Variants in MIEF1 observed in about 807,000 individuals in gnomAD.
The protein encoded by MIEF1 is mitochondrial elongation factor 1.
A neutral mutation model predicts 35.1 loss-of-function variants in MIEF1; 14 were observed. The ratio of observed to expected loss-of-function variants is 0.40; its 90% CI spans 0.26 to 0.62. The LOEUF (loss-of-function observed/expected upper bound fraction) is 0.62, where lower values mean the gene tolerates loss of function less well. Ranked by LOEUF, MIEF1 falls within the 20% of genes least tolerant of loss-of-function variation. MIEF1 has a pLI of 0.43. For missense variants in MIEF1, 542 were observed against 615.4 expected (o/e 0.88, Z 1.26); for synonymous variants, 245 against 254.3 (o/e 0.96, Z 0.35).
intron 2 of MIEF1, among the ~76,000 whole-genome samples, chr22:39,509,155 T>C (rs1008124177): frequency 6.6e-6 from 1 of 151,996 alleles, no homozygotes; most frequent in Non-Finnish European, 1.5e-5. Context: ...GGGGTTTCAC[T>C]ATGTTGGCCA....
At chr22:39,506,689 G>A (rs374505555) in intron 2 of MIEF1, among the ~76,000 whole-genome samples, 1 of 152,250 alleles carries the variant, frequency 6.6e-6, no homozygotes, top group South Asian at 2.1e-4. Context: ...CTAGGAAGCC[G>A]CAAGGCCTCC....
chr22:39,511,387 G>C lies in MIEF1; in HGVS notation c.93G>C (p.Leu31=). ...TGCTCTCCAATGCCCGGCTGGTGCT[G>C]GGGGTGGGTGGAGCGGCCATGCTGG... ...DFVLSNARLV[L]GVGGAAMLGI... The change falls in exon 3 of 6, where the codon CTG becomes CTC. Residue 31 remains leucine (L), a synonymous_variant. Transcript: ENST00000325301. 6.2e-7 allele frequency: 1 copy of C among 1,609,426 alleles called. No homozygotes were observed. The highest frequency in any genetic ancestry group is 8.5e-7 in the Non-Finnish European group (1 of 1,177,298).
rs912484366 is a variant in MIEF1, at chr22:39,515,468, C to T, written c.*1145C>T. 17 of 650,332 alleles carry T rather than the reference C, an allele frequency of 2.6e-5. No homozygotes were observed. The highest frequency in any genetic ancestry group is 1.5e-4 in the Admixed American group (6 of 41,168). 40.3% of individuals were successfully genotyped at this position (650,332 alleles called of 1,614,324 possible). ...TGAGAGGGGTGTTTGCTGAGCGCTC[C>T]GGGCACGGCCAGAGGGCAAGTGAGC... On this transcript the variant is annotated 3_prime_UTR_variant, in exon 6 of 6. Transcript: ENST00000325301.
chr22:39,507,364 G>A (rs997346572), intron 2 of MIEF1, among the ~76,000 whole-genome samples: 3 of 151,800 alleles, frequency 2.0e-5, no homozygotes, highest in Non-Finnish European at 2.9e-5. Flanking sequence ...TCCTGCCTCG[G>A]CCTCCCGAGT....
In MIEF1 at chr22:39,504,235, C is replaced by T. The variant is rs1929899236; in HGVS notation, c.-307C>T. Reference sequence around the variant, plus strand: ...CCCAGCCCCTGCCAGTCCCCCATGGCCCCGTGGAGCCGAGAGGCGGTGCTG... The same window carrying T: ...CCCAGCCCCTGCCAGTCCCCCATGGTCCCGTGGAGCCGAGAGGCGGTGCTG... On this transcript the variant is annotated 5_prime_UTR_variant, in exon 2 of 6. Transcript: ENST00000325301. The T allele has an allele frequency of 5.0e-6, 2 of 399,370 alleles. No homozygotes were observed. Among genetic ancestry groups the T allele is most frequent in the Non-Finnish European group, 4.4e-6 (1 of 226,304 alleles). The allele number at this position is 399,370 out of a possible 1,614,324, so 24.7% of individuals were successfully genotyped here.
At chr22:39,511,489 AGAT>A (rs1424982347) in intron 3 of MIEF1, 51 bp downstream of exon 3, 1 of 1,486,446 alleles carries the variant, frequency 6.7e-7, no homozygotes, top group Non-Finnish European at 9.0e-7. Flanking sequence ...TATGGTCATA[AGAT>A]GTAATGTTTT....
At chr22:39,513,468 C>A in intron 5 of MIEF1, 49 bp from the exon 6 acceptor site, 2 of 1,564,654 alleles carry the variant, frequency 1.3e-6, no homozygotes, top group South Asian at 2.3e-5. Flanking sequence ...GGAAGCATGT[C>A]TTTTGAACAG....
chr22:39,508,936 T>C (rs1413677721), intron 2 of MIEF1, among the ~76,000 whole-genome samples: 2 of 152,102 alleles, frequency 1.3e-5, no homozygotes, highest in East Asian at 1.9e-4. Context: ...GCTAGAAATA[T>C]CCACTTGTAA....
In MIEF1 at chr22:39,514,145, C is replaced by T; in HGVS notation, c.1214C>T (p.Ala405Val). 1 of 1,614,204 alleles carries T rather than the reference C, an allele frequency of 6.2e-7. No homozygotes were observed. The highest frequency in any genetic ancestry group is 8.5e-7 in the Non-Finnish European group (1 of 1,180,038). Residue 405 changes from alanine to valine, a missense_variant, in exon 6 of 6, where the codon GCC (alanine) becomes GTC (valine). Physicochemically the swap from Ala to Val is moderately conservative, Grantham distance 64 (BLOSUM62 0). Transcript: ENST00000325301. ...GCTGACTGGTCTCCGGATATGCTGG[C>T]CGACCGTTTCCTGCAGGCCTTGAGG... ...EEADWSPDMLADRFLQALRGL... is the reference protein window; with the variant it reads ...EEADWSPDMLVDRFLQALRGL...
At chr22:39,504,153 T>C (rs575386606) in intron 1 of MIEF1, 50 bp from the exon 2 acceptor site, 1 of 398,438 alleles carries the variant, frequency 2.5e-6, no homozygotes, top group South Asian at 1.4e-4. Context: ...ACAGGTCCTT[T>C]TGTTATTAAT....
At chr22:39,508,002 T>C (rs898035173) in intron 2 of MIEF1, among the ~76,000 whole-genome samples, 4 of 152,246 alleles carry the variant, frequency 2.6e-5, no homozygotes, top group Admixed American at 2.0e-4. Context: ...TTCTGGAAGC[T>C]GACCTTTGTC....
Position 39,517,646 on chromosome 22 carries a change from G to C in MIEF1, c.*3323G>C. On this transcript the variant is annotated 3_prime_UTR_variant, in exon 6 of 6. Transcript: ENST00000325301. ...ACTGACTTGGCTGAGAACGTGTTCT[G>C]TCAGAGGATTTGTTAGAACTCTGCC... 1 of 470,812 alleles carries C rather than the reference G, an allele frequency of 2.1e-6. No homozygotes were observed. Among genetic ancestry groups the C allele is most frequent in the South Asian group, 1.6e-5 (1 of 64,504 alleles). 29.2% of individuals were successfully genotyped at this position (470,812 alleles called of 1,614,324 possible).
chr22:39,509,081 A>C (rs898369058), intron 2 of MIEF1, among the ~76,000 whole-genome samples: 23 of 151,364 alleles, frequency 1.5e-4, no homozygotes, highest in African/African-American at 4.9e-4. Context: ...TGGCCTCCCG[A>C]GTAGCTGGGA....
chr22:39,511,977 G>A lies in MIEF1; in HGVS notation c.273G>A (p.Leu91=), dbSNP rs2145750833. ...RLLNRDMKTG[L]SRSLQTLPTD... ...TGAACAGGGACATGAAGACGGGCCT[G>A]AGCCGGTCCTTGCAGACCCTTCCCA... Residue 91 remains leucine, a synonymous_variant, in exon 4 of 6, where the codon CTG becomes CTA. Coordinates refer to ENST00000325301, the MANE Select transcript of MIEF1 (RefSeq NM_019008.6). 2 of 1,614,134 alleles carry A rather than the reference G, an allele frequency of 1.2e-6. No individual in the cohort carries two copies. The highest frequency in any genetic ancestry group is 4.5e-5 in the East Asian group (2 of 44,892).
At chr22:39,507,378 T>C (rs1310451562) in intron 2 of MIEF1, among the ~76,000 whole-genome samples, 1 of 151,846 alleles carries the variant, frequency 6.6e-6, no homozygotes, top group Admixed American at 6.6e-5. Flanking sequence ...CCCGAGTAGC[T>C]GGGACTACAG....
intron 1 of MIEF1, 192 bp from the exon 2 acceptor site, chr22:39,504,011 C>T: frequency 2.6e-6 from 1 of 381,228 alleles, no homozygotes; most frequent in Non-Finnish European, 4.6e-6. Flanking sequence ...CCTGGTGAAC[C>T]ACAACCTGTA....
intron 2 of MIEF1, among the ~76,000 whole-genome samples, chr22:39,504,897 T>C (rs1396386325): frequency 6.6e-6 from 1 of 152,140 alleles, no homozygotes; most frequent in Non-Finnish European, 1.5e-5. Context: ...AATTTTCTTT[T>C]TTAAGAGACA....
rs1930493745 is a variant in MIEF1 at position 39,513,719 on chromosome 22, C to T, written c.788C>T (p.Ala263Val). ...GGCTACCTCTCTCCAAAGACAGTCGCAGATACATTTGAGAAGGTAGTGGCT... is the reference window on the plus strand; with the variant it reads ...GGCTACCTCTCTCCAAAGACAGTCGTAGATACATTTGAGAAGGTAGTGGCT... ...VGGYLSPKTV[A>V]DTFEKVVAGS... The change falls in exon 6 of 6, where the codon GCA (alanine) becomes GTA (valine). Residue 263 changes from alanine (A) to valine (V), a missense_variant. By Grantham distance (64) the Ala-to-Val change is moderately conservative. Transcript: ENST00000325301. The T allele has an allele frequency of 1.9e-6, 3 of 1,614,078 alleles. No homozygotes were observed. The East Asian group carries it at 6.7e-5, about 36-fold the overall frequency.
chr22:39,508,727 A>C (rs142024527), intron 2 of MIEF1, among the ~76,000 whole-genome samples: 1 of 152,208 alleles, frequency 6.6e-6, no homozygotes, highest in Non-Finnish European at 1.5e-5. Flanking sequence ...ATAGTCTTTC[A>C]TGTCCCTAAA....
Sources: gnomAD v4.1 joint callset for allele counts (sites outside exome capture counted in the v4.1 genomes callset) on GRCh38, gnomAD v4.1.1 for gene constraint, MANE v1.5 for transcripts, NCBI Gene and HGNC (gene_info 2026-07-23, HGNC 2026-07-21) for gene names.